COL25A1: variants seen among roughly 807,000 people sequenced by gnomAD.
The protein encoded by COL25A1 is collagen alpha-1(XXV) chain.
In COL25A1, 103 loss-of-function variants were observed where a neutral mutation model predicts 128.4. That is an observed-to-expected ratio of 0.80 (90% CI 0.68 to 0.94). The LOEUF (loss-of-function observed/expected upper bound fraction) is 0.94, where lower values mean the gene tolerates loss of function less well. COL25A1 is among the 40% of genes least tolerant of loss of function. COL25A1 has a pLI of 0.00. For missense variants in COL25A1, 745 were observed against 840.0 expected, an observed-to-expected ratio of 0.89 and a Z score of 1.40; for synonymous variants, 279 against 277.2, an observed-to-expected ratio of 1.01 and a Z score of -0.06.
chr4:109,006,835 A>G (rs1253921756), intron 6 of COL25A1, among the ~76,000 whole-genome samples: 2 of 152,188 alleles, frequency 1.3e-5, no homozygotes, highest in African/African-American at 4.8e-5. Context: ...GCATGTTCTC[A>G]TTTATAAGTG....
chr4:109,263,852 A>G (rs115125579), intron 3 of COL25A1, among the ~76,000 whole-genome samples: 164 of 152,326 alleles, frequency 1.1e-3, no homozygotes, highest in Non-Finnish European at 1.8e-3. Flanking sequence ...GAAAAACAAA[A>G]CGGCACACCT....
At position 108,863,326 on chromosome 4, in the gene COL25A1, C is replaced by T. The variant is rs1737488005; in HGVS notation, c.1145G>A (p.Gly382Glu). ...AGTTTAAGAATAACTCACCTTTGGT[C>T]CGGGGGCTCCAGGTTCCCCTCGCTC... is the stretch of plus-strand genomic sequence containing the variant. The part of the protein sequence containing the change: ...RGERGEPGAP[G>E]PKGKQGESGT... Residue 382 changes from glycine to glutamate, a missense_variant, in exon 21 of 38, where the codon GGA becomes GAA. Gly to Glu is a moderately conservative substitution (Grantham distance 98). Coordinates refer to ENST00000399132, the MANE Select transcript of COL25A1 (RefSeq NM_198721.4). 1 of 1,613,730 alleles carries T rather than the reference C, an allele frequency of 6.2e-7. No individual in the cohort carries two copies. Among genetic ancestry groups the T allele is most frequent in the Non-Finnish European group, 8.5e-7 (1 of 1,179,836 alleles).
intron 8 of COL25A1, among the ~76,000 whole-genome samples, chr4:108,967,960 G>C (rs12644606): frequency 6.6e-6 from 1 of 151,892 alleles, no homozygotes; most frequent in Non-Finnish European, 1.5e-5. Context: ...TACTCTATGC[G>C]TGGTGACCGA....
At chr4:109,006,325 C>A (rs1356388548) in intron 6 of COL25A1, among the ~76,000 whole-genome samples, 1 of 150,830 alleles carries the variant, frequency 6.6e-6, no homozygotes, top group East Asian at 2.0e-4. Flanking sequence ...GGTTCTCCTG[C>A]CTCAGCCTCC....
rs539551957 is a variant in COL25A1, at chr4:109,164,637, T to C, written c.368-114458A>G. 9.8e-5 allele frequency among the ~76,000 whole-genome samples: 15 copies of C among 152,338 alleles called. No homozygotes were observed. The East Asian group carries it at 2.9e-3, about 29-fold the overall frequency. The stretch of plus-strand genomic sequence containing the variant: ...TCATTTACTTGATAAGAATCATTTA[T>C]CTCGTGTTAATCTGTTCAAAAGTCC... On this transcript the variant is annotated intron_variant, in intron 3 of 37. Coordinates refer to ENST00000399132, the MANE Select transcript of COL25A1 (RefSeq NM_198721.4).
intron 3 of COL25A1, among the ~76,000 whole-genome samples, chr4:109,197,819 T>C (rs1776245079): frequency 6.6e-6 from 1 of 151,946 alleles, no homozygotes; most frequent in Non-Finnish European, 1.5e-5. Flanking sequence ...ATTCAATAGA[T>C]GAATAAGTTA....
intron 15 of COL25A1, 116 bp from the exon 16 acceptor site, chr4:108,896,827 T>C: frequency 1.1e-6 from 1 of 876,102 alleles, no homozygotes; most frequent in East Asian, 2.5e-5. Context: ...CTGTTGCAAA[T>C]GCTCTATAGA....
intron 3 of COL25A1, among the ~76,000 whole-genome samples, chr4:109,103,877 G>A (rs1281060782): frequency 6.6e-6 from 1 of 151,962 alleles, no homozygotes; most frequent in Admixed American, 6.6e-5. Flanking sequence ...TATACACATT[G>A]GCCATTTTTT....
At chr4:109,066,324 A>C (rs1299872630) in intron 3 of COL25A1, among the ~76,000 whole-genome samples, 1 of 152,176 alleles carries the variant, frequency 6.6e-6, no homozygotes, top group Non-Finnish European at 1.5e-5. Flanking sequence ...ATGCCACACA[A>C]AATGGGTACT....
At chr4:109,098,042 T>C (rs1204479524) in intron 3 of COL25A1, among the ~76,000 whole-genome samples, 4 of 152,190 alleles carry the variant, frequency 2.6e-5, no homozygotes, top group Non-Finnish European at 5.9e-5. Flanking sequence ...AGATGGTGTA[T>C]CAATTTCATA....
intron 6 of COL25A1, among the ~76,000 whole-genome samples, chr4:108,984,505 C>T (rs1285339562): frequency 2.6e-5 from 4 of 152,212 alleles, no homozygotes; most frequent in Non-Finnish European, 5.9e-5. Context: ...GGGAGGCTCA[C>T]GCATGGCGGG....
intron 3 of COL25A1, among the ~76,000 whole-genome samples, chr4:109,147,962 G>A (rs532124567): frequency 6.6e-6 from 1 of 152,276 alleles, no homozygotes; most frequent in Non-Finnish European, 1.5e-5. Context: ...AGAAGGTCAG[G>A]ATCGCTGAGC....
chr4:108,902,986 A>G (rs936982225), intron 13 of COL25A1, among the ~76,000 whole-genome samples: 2 of 151,960 alleles, frequency 1.3e-5, no homozygotes, highest in African/African-American at 4.8e-5. Context: ...TTTCATGCAA[A>G]TAAGAGATGC....
intron 11 of COL25A1, among the ~76,000 whole-genome samples, chr4:108,921,322 T>C (rs771930513): frequency 6.6e-6 from 1 of 152,194 alleles, no homozygotes; most frequent in Non-Finnish European, 1.5e-5. Flanking sequence ...AAAGTCAGTG[T>C]TGGGATTCTC....
At chr4:109,013,613 GC>G (rs1374269959) in intron 5 of COL25A1, among the ~76,000 whole-genome samples, 8 of 151,958 alleles carry the variant, frequency 5.3e-5, no homozygotes, top group Non-Finnish European at 8.8e-5. Flanking sequence ...CCTGAGGCCA[GC>G]GAGACCACAA....
At chr4:109,148,355 A>G (rs1026170656) in intron 3 of COL25A1, among the ~76,000 whole-genome samples, 5 of 152,240 alleles carry the variant, frequency 3.3e-5, no homozygotes, top group African/African-American at 1.2e-4. Context: ...ATAGTTTGCA[A>G]TGAATTCCAA....
intron 3 of COL25A1, among the ~76,000 whole-genome samples, chr4:109,282,699 T>C (rs765218494): frequency 6.6e-6 from 1 of 152,258 alleles, no homozygotes; most frequent in African/African-American, 2.4e-5. Context: ...TTTCTTTCCC[T>C]GGCTAATGTG....
intron 8 of COL25A1, among the ~76,000 whole-genome samples, chr4:108,944,201 C>T (rs6835034): frequency 0.044 from 6,691 of 152,172 alleles, 376 homozygotes; most frequent in African/African-American, 0.13. Flanking sequence ...TAAGTGGCTG[C>T]GTAGTTTTGA....
chr4:109,090,472 A>AG (rs1373499545), intron 3 of COL25A1, among the ~76,000 whole-genome samples: 1 of 152,222 alleles, frequency 6.6e-6, no homozygotes, highest in Non-Finnish European at 1.5e-5. Flanking sequence ...AGAGGCTGTT[A>AG]GGAAACTATG....
Sources: allele counts gnomAD v4.1 joint callset (sites outside exome capture counted in the v4.1 genomes callset), GRCh38; gene constraint gnomAD v4.1.1; transcripts MANE v1.5; gene names NCBI Gene and HGNC (gene_info 2026-07-23, HGNC 2026-07-21).